Variants in USP53 observed in about 807,000 individuals in gnomAD.
USP53 encodes the protein ubiquitin carboxyl-terminal hydrolase 53.
Under a neutral mutation model 94.9 loss-of-function variants are expected in USP53, and 71 were observed. That is an observed-to-expected ratio of 0.75 (90% CI 0.62 to 0.91). The LOEUF (loss-of-function observed/expected upper bound fraction) is 0.91. USP53 is among the 40% of genes least tolerant of loss of function. The pLI is 0.00. For missense variants in USP53, 1,173 were observed against 1,281.0 expected (o/e 0.92, Z 1.29); for synonymous variants, 375 against 422.7 (o/e 0.89, Z 1.39).
chr4:119,276,396 TA>T (rs1272213639), intron 17 of USP53, among the ~76,000 whole-genome samples: 1 of 150,664 alleles, frequency 6.6e-6, no homozygotes, highest in Non-Finnish European at 1.5e-5. Context: ...TATGCTGGAT[TA>T]CATTTATTGA....
intron 17 of USP53, among the ~76,000 whole-genome samples, chr4:119,288,087 T>G (rs577514256): frequency 2.6e-5 from 4 of 151,784 alleles, no homozygotes; most frequent in African/African-American, 9.7e-5. Context: ...ATTTATGACC[T>G]AAAAGAGCTT....
At position 119,256,345 on chromosome 4, in the gene USP53, ACT is replaced by A. The variant is rs748206030; in HGVS notation, c.475_476del (p.Leu159ValfsTer2). On this transcript the variant is annotated frameshift_variant, in exon 8 of 19. Coordinates refer to ENST00000692078, the MANE Select transcript of USP53 (RefSeq NM_001371395.1). LOFTEE classifies it high-confidence loss of function. ...TATCACTCACCAGAAGTTTGCTATG[ACT>A]CTGTATGAACAGGTGAGATGGCTTG... ...SCITHQKFAM[T>X]LYEQCVCRSC... The A allele has an allele frequency of 2.5e-6, 4 of 1,613,710 alleles. No individual in the cohort carries two copies. The highest frequency in any genetic ancestry group is 1.6e-4 in the Middle Eastern group (1 of 6,082).
At chr4:119,240,202 C>G (rs769745692) in intron 5 of USP53, among the ~76,000 whole-genome samples, 1 of 152,030 alleles carries the variant, frequency 6.6e-6, no homozygotes, top group Non-Finnish European at 1.5e-5. Context: ...TTTTAATCAG[C>G]TAACACCCCT....
intron 17 of USP53, among the ~76,000 whole-genome samples, chr4:119,284,565 G>A (rs943161540): frequency 4.0e-5 from 6 of 151,708 alleles, no homozygotes; most frequent in Admixed American, 6.6e-5. Context: ...AATTACATTC[G>A]AGACAGAAGA....
At chr4:119,231,909 C>A (rs1344605351) in intron 3 of USP53, among the ~76,000 whole-genome samples, 6 of 151,722 alleles carry the variant, frequency 4.0e-5, no homozygotes, top group African/African-American at 1.5e-4. Flanking sequence ...CTGGGACGTA[C>A]CAAAATTCCA....
Position 119,292,358 on chromosome 4 carries a change from A to G in USP53, c.2369A>G (p.Asn790Ser), listed in dbSNP as rs375450771. Residue 790 changes from asparagine (N) to serine (S), a missense_variant, in exon 19 of 19, where the codon AAT (asparagine) becomes AGT (serine). Coordinates refer to ENST00000692078, the MANE Select transcript of USP53 (RefSeq NM_001371395.1). ...TTCAGATCACATGTACATGAAGACA[A>G]TGGAAAGTTATTTCCTTCATCCAGT... ...LIKRSHVHED[N>S]GKLFPSSSLQ... The G allele has an allele frequency of 2.5e-6, 4 of 1,603,504 alleles. No individual in the cohort carries two copies. Among genetic ancestry groups the G allele is most frequent in the Middle Eastern group, 3.3e-4 (2 of 5,988 alleles).
chr4:119,269,118 A>C (rs1001579618), intron 14 of USP53, among the ~76,000 whole-genome samples: 6 of 152,224 alleles, frequency 3.9e-5, no homozygotes, highest in African/African-American at 1.4e-4. Context: ...AAAAATTCTT[A>C]ATGAAGCTGT....
At chr4:119,237,475 T>G (rs1349049986) in intron 4 of USP53, among the ~76,000 whole-genome samples, 1 of 152,154 alleles carries the variant, frequency 6.6e-6, no homozygotes, top group East Asian at 1.9e-4. Context: ...GGGTTTTGTA[T>G]GTAGCAGAGC....
At position 119,235,355 on chromosome 4, in the gene USP53, A is replaced by C. The variant is rs1746591018; in HGVS notation, c.-599A>C. The C allele has an allele frequency of 6.6e-6, 1 of 152,200 alleles. No homozygotes were observed. The allele number at this position is 152,200 out of a possible 1,614,324, so 9.4% of individuals were successfully genotyped here. On this transcript the variant is annotated 5_prime_UTR_variant, in exon 4 of 19. Coordinates refer to ENST00000692078, the MANE Select transcript of USP53 (RefSeq NM_001371395.1). ...GCAGTCTTAGCTTACTGCAGCCTCA[A>C]ACTTCTGGGCTCAAGTAATCCTCCC...
At chr4:119,265,265 G>T (rs1366710961) in intron 12 of USP53, among the ~76,000 whole-genome samples, 1 of 152,010 alleles carries the variant, frequency 6.6e-6, no homozygotes, top group African/African-American at 2.4e-5. Context: ...AAATTTTTTG[G>T]TATTTATATT....
At chr4:119,246,530 T>C (rs1163540337) in intron 6 of USP53, among the ~76,000 whole-genome samples, 1 of 152,206 alleles carries the variant, frequency 6.6e-6, no homozygotes, top group Non-Finnish European at 1.5e-5. Flanking sequence ...AGCAGAGACA[T>C]GCTGTCCCCA....
intron 3 of USP53, among the ~76,000 whole-genome samples, chr4:119,228,803 G>A (rs560035261): frequency 5.9e-5 from 9 of 152,282 alleles, no homozygotes; most frequent in African/African-American, 1.7e-4. Context: ...AATATTGTAC[G>A]TAGGAAAATT....
At chr4:119,284,052 T>C (rs1185899728) in intron 17 of USP53, among the ~76,000 whole-genome samples, 2 of 151,758 alleles carry the variant, frequency 1.3e-5, no homozygotes, top group Non-Finnish European at 3.0e-5. Context: ...TGGAAAGATA[T>C]GAGAAAATAT....
intron 17 of USP53, among the ~76,000 whole-genome samples, chr4:119,287,208 T>G (rs1754210934): frequency 6.6e-6 from 1 of 152,106 alleles, no homozygotes; most frequent in African/African-American, 2.4e-5. Flanking sequence ...GGGCAAATTT[T>G]TTTTTTTAAA....
At chr4:119,266,550 A>G (rs1251549625) in intron 12 of USP53, among the ~76,000 whole-genome samples, 1 of 152,122 alleles carries the variant, frequency 6.6e-6, no homozygotes, top group African/African-American at 2.4e-5. Flanking sequence ...CATTGGTAAT[A>G]TTTTGAGCAT....
intron 7 of USP53, among the ~76,000 whole-genome samples, chr4:119,251,634 A>G (rs558723749): frequency 1.3e-5 from 2 of 152,298 alleles, no homozygotes; most frequent in South Asian, 4.1e-4. Context: ...AACAGAGACA[A>G]TTTGACTTCG....
At chr4:119,274,078 ATTATTATTTT>A (rs1032281359) in intron 17 of USP53, among the ~76,000 whole-genome samples, 4 of 119,306 alleles carry the variant, frequency 3.4e-5, no homozygotes, top group Non-Finnish European at 7.3e-5. Flanking sequence ...TTATTTTTTT[ATTATTATTTT>A]TTATTTATTT....
At chr4:119,240,358 C>T (rs189253750) in intron 5 of USP53, among the ~76,000 whole-genome samples, 4 of 152,176 alleles carry the variant, frequency 2.6e-5, no homozygotes, top group Admixed American at 1.3e-4. Flanking sequence ...ATTACCTCTG[C>T]GGAATCATCA....
intron 14 of USP53, among the ~76,000 whole-genome samples, chr4:119,269,092 A>G (rs546643624): frequency 6.6e-6 from 1 of 152,364 alleles, no homozygotes; most frequent in South Asian, 2.1e-4. Flanking sequence ...ACAAAAAACT[A>G]AAATAAAGGC....
Sources: gnomAD v4.1 joint callset for allele counts (sites outside exome capture counted in the v4.1 genomes callset) on GRCh38, gnomAD v4.1.1 for gene constraint, MANE v1.5 for transcripts, NCBI Gene and HGNC (gene_info 2026-07-23, HGNC 2026-07-21) for gene names.